The following RABL2A variants were observed in gnomAD, a reference collection of about 807,000 sequenced individuals.
RABL2A encodes rab-like protein 2A.
Under a neutral mutation model 30.7 loss-of-function variants are expected in RABL2A, and 17 were observed. The ratio of observed to expected loss-of-function variants is 0.55; its 90% CI spans 0.38 to 0.83. RABL2A has a LOEUF of 0.83. Ranked by LOEUF, RABL2A falls within the 40% of genes least tolerant of loss-of-function variation. The pLI, the probability that RABL2A is intolerant of heterozygous loss-of-function variation, is 0.00. For missense variants in RABL2A, 155 were observed against 272.6 expected, an observed-to-expected ratio of 0.57 and a Z score of 3.04; for synonymous variants, 64 against 101.8, an observed-to-expected ratio of 0.63 and a Z score of 2.24.
chr2:113,630,200 A>G, intron 2 of RABL2A, among the ~76,000 whole-genome samples: 1 of 152,282 alleles, frequency 6.6e-6, no homozygotes, highest in Non-Finnish European at 1.5e-5. Flanking sequence ...AAAACAAGCC[A>G]GTCTTCATCC....
chr2:113,638,174 A>C (rs1204820850), intron 5 of RABL2A: 1 of 985,314 alleles, frequency 1.0e-6, no homozygotes, highest in Non-Finnish European at 1.2e-6. Flanking sequence ...ATCCTTTATA[A>C]GGAGACTTCA....
intron 5 of RABL2A, among the ~76,000 whole-genome samples, chr2:113,639,351 G>A (rs1684217388): frequency 1.3e-5 from 2 of 152,214 alleles, no homozygotes; most frequent in Admixed American, 1.3e-4. Flanking sequence ...GCCAGGTGCA[G>A]TAGCTCATGC....
chr2:113,642,922 G>A lies in RABL2A; in HGVS notation c.*793G>A, dbSNP rs913469010. On this transcript the variant is annotated 3_prime_UTR_variant, in exon 9 of 9. Transcript: ENST00000683472. ...ATTACAGGCATGAGCCACCGCGCCC[G>A]GCCCCAATCATCTGTTTTTAAACAA... The A allele has an allele frequency of 1.4e-4, 45 of 317,708 alleles. No homozygotes were observed. The highest frequency in any genetic ancestry group is 8.5e-4 in the South Asian group (37 of 43,378). The allele number at this position is 317,708 out of a possible 1,614,324, so 19.7% of individuals were successfully genotyped here.
intron 2 of RABL2A, among the ~76,000 whole-genome samples, chr2:113,630,999 G>A (rs1487968577): frequency 6.6e-6 from 1 of 152,144 alleles, no homozygotes; most frequent in Non-Finnish European, 1.5e-5. Flanking sequence ...CCAGGTTCAA[G>A]CAATTCTCAT....
intron 2 of RABL2A, among the ~76,000 whole-genome samples, chr2:113,631,331 A>G (rs1001245638): frequency 5.3e-5 from 8 of 152,008 alleles, no homozygotes; most frequent in Non-Finnish European, 1.2e-4. Context: ...CGTTGTGCAA[A>G]GAGGGCAAAG....
At chr2:113,639,897 T>C (rs1347284279) in intron 5 of RABL2A, 1 of 149,236 alleles carries the variant, frequency 6.7e-6, no homozygotes, top group Non-Finnish European at 1.5e-5. Context: ...CTAACACCTG[T>C]AACCCCAGCA....
intron 4 of RABL2A, 57 bp downstream of exon 4, chr2:113,634,289 A>G (rs1681622198): frequency 6.4e-7 from 1 of 1,565,342 alleles, no homozygotes; most frequent in Admixed American, 1.9e-5. Context: ...ATGGGAGACG[A>G]GGGGAGGTGA....
intron 2 of RABL2A, 111 bp from the exon 3 acceptor site, chr2:113,632,804 G>A (rs1417028818): frequency 3.4e-6 from 5 of 1,464,162 alleles, no homozygotes; most frequent in Non-Finnish European, 2.9e-6. Context: ...GGAGTGAAAG[G>A]GGGAAGGGAA....
chr2:113,634,443 C>T (rs1413901295), intron 4 of RABL2A: 6 of 609,416 alleles, frequency 9.8e-6, no homozygotes, highest in South Asian at 5.9e-5. Flanking sequence ...TCTGACCTGG[C>T]GTCCAGGCCA....
rs541011949 is a variant in RABL2A, at chr2:113,635,569, C to T, written c.297+439C>T. ...CTCTCTCAGGCCAGCCCCTCGCCTC[C>T]CCCCGAGCCTCCCATTGTGTTGCCC... On this transcript the variant is annotated intron_variant, in intron 5 of 8. Transcript: ENST00000683472. The T allele has an allele frequency of 1.0e-3, 285 of 274,618 alleles. 1 individual carries two copies. The highest frequency in any genetic ancestry group is 4.0e-3 in the Middle Eastern group (3 of 748). The allele number at this position is 274,618 out of a possible 1,614,324, so 17.0% of individuals were successfully genotyped here.
In RABL2A at chr2:113,642,125, G is replaced by A; in HGVS notation, c.686G>A (p.Ser229Asn). 6.2e-7 allele frequency: 1 copy of A among 1,613,780 alleles called. No individual in the cohort carries two copies. Among genetic ancestry groups the A allele is most frequent in the Non-Finnish European group, 8.5e-7 (1 of 1,179,850 alleles). The change falls in exon 9 of 9, where the codon AGC becomes AAC. Residue 229 changes from serine to asparagine, a missense_variant. Ser to Asn is a conservative substitution (Grantham distance 46). Transcript: ENST00000683472. ...TPSEEVASPH[S>N] The stretch of plus-strand genomic sequence containing the variant: ...TCAGAGGAGGTGGCCTCTCCCCACA[G>A]CTGAGGGGCTGGGGCTAGGGGTGGG...
In RABL2A at chr2:113,642,929, A is replaced by G. The variant is rs1302318745; in HGVS notation, c.*800A>G. The G allele has an allele frequency of 2.5e-5, 8 of 321,464 alleles. No individual in the cohort carries two copies. The highest frequency in any genetic ancestry group is 2.4e-4 in the Admixed American group (5 of 21,202). 19.9% of individuals were successfully genotyped at this position (321,464 alleles called of 1,614,324 possible). A position where few individuals can be genotyped will look rare whatever the true frequency, so the allele number is the denominator to read the frequency against. On this transcript the variant is annotated 3_prime_UTR_variant, in exon 9 of 9. Transcript: ENST00000683472. ...GCATGAGCCACCGCGCCCGGCCCCAATCATCTGTTTTTAAACAATCGTTTT... is the reference window on the plus strand; with the variant it reads ...GCATGAGCCACCGCGCCCGGCCCCAGTCATCTGTTTTTAAACAATCGTTTT...
In RABL2A at chr2:113,640,924, A is replaced by G. The variant is rs150723938; in HGVS notation, c.328A>G (p.Arg110Gly). Residue 110 changes from arginine (R) to glycine (G), a missense_variant, in exon 6 of 9, where the codon AGG (arginine) becomes GGG (glycine). This residue lies in a region of RABL2A where 82 missense variants were observed against 103.2 expected (regional missense o/e 0.79). Coordinates refer to ENST00000683472, the MANE Select transcript of RABL2A (RefSeq NM_001306158.2). ...VFDIQRKVTY[R>G]NLSTWYTELR... ...TGATATACAGAGGAAAGTCACCTATAGGAACCTGAGCACCTGGTATACAGA... is the reference window on the plus strand; with the variant it reads ...TGATATACAGAGGAAAGTCACCTATGGGAACCTGAGCACCTGGTATACAGA... 1 of 1,613,886 alleles carries G rather than the reference A, an allele frequency of 6.2e-7. No homozygotes were observed. Among genetic ancestry groups the G allele is most frequent in the Non-Finnish European group, 8.5e-7 (1 of 1,179,860 alleles).
chr2:113,638,972 A>G (rs1479349682), intron 5 of RABL2A, among the ~76,000 whole-genome samples: 1 of 152,262 alleles, frequency 6.6e-6, no homozygotes, highest in East Asian at 1.9e-4. Context: ...ATAATAAAAC[A>G]TAAAAATTAC....
intron 4 of RABL2A, 44 bp from the exon 5 acceptor site, chr2:113,635,007 A>G (rs1303791334): frequency 5.6e-6 from 9 of 1,614,158 alleles, no homozygotes; most frequent in Non-Finnish European, 6.8e-6. Flanking sequence ...TGACTTGCAC[A>G]GAAATGCACC....
intron 2 of RABL2A, among the ~76,000 whole-genome samples, chr2:113,632,393 T>C (rs793080): frequency 0.99 from 150,574 of 152,278 alleles, 74,444 homozygotes; most frequent in Middle Eastern, 1. Flanking sequence ...ACCAATAGAT[T>C]AAGCAGATTC....
At chr2:113,634,025 A>G in intron 3 of RABL2A, 128 bp from the exon 4 acceptor site, 3 of 1,454,822 alleles carry the variant, frequency 2.1e-6, no homozygotes, top group South Asian at 2.7e-5. Flanking sequence ...CATTCATTTG[A>G]TTTAAAATCT....
intron 2 of RABL2A, among the ~76,000 whole-genome samples, chr2:113,630,966 C>T (rs1231749615): frequency 3.3e-5 from 5 of 152,062 alleles, no homozygotes; most frequent in East Asian, 1.9e-4. Context: ...GGGGCAATCT[C>T]GGCTCACTGC....
chr2:113,630,158 A>G (rs938760318), intron 2 of RABL2A, among the ~76,000 whole-genome samples: 5 of 152,228 alleles, frequency 3.3e-5, no homozygotes, highest in Admixed American at 3.3e-4. Flanking sequence ...AAAGATTACC[A>G]TAACATTGGC....
Sources: gnomAD v4.1 joint callset for allele counts (sites outside exome capture counted in the v4.1 genomes callset) on GRCh38, gnomAD v4.1.1 for gene constraint, gnomAD v4.1.1 regional missense constraint, MANE v1.5 for transcripts, NCBI Gene and HGNC (gene_info 2026-07-23, HGNC 2026-07-21) for gene names.